The following PSD3 variants were observed in gnomAD, a reference collection of about 807,000 sequenced individuals.
PSD3 encodes pleckstrin and Sec7 domain containing 3.
Under a neutral mutation model 105.5 loss-of-function variants are expected in PSD3, and 49 were observed. The observed-to-expected ratio is 0.46, with a 90% CI of 0.37 to 0.59. The LOEUF (loss-of-function observed/expected upper bound fraction) is 0.59. PSD3 is among the 20% of genes least tolerant of loss of function. The pLI is 0.00. For missense variants in PSD3, 1,561 were observed against 1,263.8 expected (o/e 1.24, Z -3.57); for synonymous variants, 557 against 457.8 (o/e 1.22, Z -2.77).
intron 4 of PSD3, among the ~76,000 whole-genome samples, chr8:18,852,197 C>A (rs563659988): frequency 4.3e-4 from 65 of 152,166 alleles, no homozygotes; most frequent in Non-Finnish European, 8.1e-4. Context: ...TAGGCATTTT[C>A]ACATACTTTA....
At chr8:18,896,458 G>A (rs143016237) in intron 2 of PSD3, among the ~76,000 whole-genome samples, 9 of 152,176 alleles carry the variant, frequency 5.9e-5, no homozygotes, top group African/African-American at 1.7e-4. Context: ...CTGTCGTTCA[G>A]GCTGCAGTGC....
intron 1 of PSD3, among the ~76,000 whole-genome samples, chr8:19,040,115 T>C (rs1317159209): frequency 3.3e-5 from 5 of 152,212 alleles, no homozygotes; most frequent in African/African-American, 1.2e-4. Flanking sequence ...GCATGGGTTG[T>C]GAAACAGGAA....
chr8:18,964,697 G>C (rs1824133697), intron 1 of PSD3, among the ~76,000 whole-genome samples: 1 of 152,076 alleles, frequency 6.6e-6, no homozygotes, highest in African/African-American at 2.4e-5. Context: ...ATTTTCCCCA[G>C]AGAGGCACAA....
intron 1 of PSD3, among the ~76,000 whole-genome samples, chr8:19,047,520 A>G (rs1828364129): frequency 6.6e-6 from 1 of 152,140 alleles, no homozygotes; most frequent in African/African-American, 2.4e-5. Context: ...TGGAGGGGGT[A>G]AATGAATGGA....
intron 9 of PSD3, among the ~76,000 whole-genome samples, chr8:18,717,292 T>A (rs1428743244): frequency 6.6e-6 from 1 of 152,288 alleles, no homozygotes; most frequent in East Asian, 1.9e-4. Flanking sequence ...GCCACTTTCT[T>A]AAGGAGCAGA....
In PSD3 at chr8:18,689,353, G is replaced by T. The variant is rs1366110517; in HGVS notation, c.2173-33668C>A. On this transcript the variant is annotated intron_variant, in intron 9 of 15. Coordinates refer to ENST00000327040, the MANE Select transcript of PSD3 (RefSeq NM_015310.4). Reference sequence around the variant, plus strand: ...CAGATCCCAAGTGAAATCAACAGGAGAGTATCAAACGGCACCCAGGCAGAC... The same window carrying T: ...CAGATCCCAAGTGAAATCAACAGGATAGTATCAAACGGCACCCAGGCAGAC... Among the ~76,000 whole-genome samples, 4 of 152,174 alleles carry T rather than the reference G, an allele frequency of 2.6e-5. 1 individual carries two copies. The highest frequency in any genetic ancestry group is 2.6e-4 in the Admixed American group (4 of 15,280).
chr8:18,715,168 T>C (rs1223327830), intron 9 of PSD3, among the ~76,000 whole-genome samples: 1 of 152,116 alleles, frequency 6.6e-6, no homozygotes, highest in South Asian at 2.1e-4. Flanking sequence ...AAATAGCTAA[T>C]GCAGGCTGGG....
At chr8:19,011,869 A>T (rs1267340156) in intron 1 of PSD3, among the ~76,000 whole-genome samples, 1 of 152,240 alleles carries the variant, frequency 6.6e-6, no homozygotes, top group Non-Finnish European at 1.5e-5. Flanking sequence ...TTCAATGGTC[A>T]GGATAAGAGT....
chr8:18,953,457 T>C (rs921321443), intron 1 of PSD3, among the ~76,000 whole-genome samples: 7 of 152,146 alleles, frequency 4.6e-5, no homozygotes, highest in Admixed American at 3.3e-4. Context: ...AATATACAAA[T>C]GGCTAAATAG....
Position 18,667,543 on chromosome 8 carries a change from G to C in PSD3, c.2173-11858C>G, listed in dbSNP as rs576209699. 3.9e-5 allele frequency among the ~76,000 whole-genome samples: 6 copies of C among 152,328 alleles called. No individual in the cohort carries two copies. In the South Asian group the frequency reaches 1.2e-3, roughly 32 times the overall value. ...TGAGGTAGACACAGGGTGCTGATTGGCGTGTTTACAATCCCTTACCTAGAC... is the reference window on the plus strand; with the variant it reads ...TGAGGTAGACACAGGGTGCTGATTGCCGTGTTTACAATCCCTTACCTAGAC... On this transcript the variant is annotated intron_variant, in intron 9 of 15. Coordinates refer to ENST00000327040, the MANE Select transcript of PSD3 (RefSeq NM_015310.4).
At chr8:18,650,283 G>A (rs542705951) in intron 10 of PSD3, among the ~76,000 whole-genome samples, 6 of 151,850 alleles carry the variant, frequency 4.0e-5, no homozygotes, top group African/African-American at 4.9e-5. Flanking sequence ...CTCATCCTAC[G>A]CCATCCCAAT....
chr8:19,070,965 C>A (rs1294752617), intron 1 of PSD3, among the ~76,000 whole-genome samples: 1 of 152,126 alleles, frequency 6.6e-6, no homozygotes, highest in Non-Finnish European at 1.5e-5. Flanking sequence ...TATTTTTAAA[C>A]CCTCTTCAAA....
chr8:18,915,118 G>A (rs1174873742), intron 2 of PSD3, among the ~76,000 whole-genome samples: 1 of 152,146 alleles, frequency 6.6e-6, no homozygotes, highest in African/African-American at 2.4e-5. Context: ...AATGAACAGT[G>A]CTGGGAAAAC....
At chr8:18,547,300 T>C (rs1283041045) in intron 15 of PSD3, among the ~76,000 whole-genome samples, 3 of 152,196 alleles carry the variant, frequency 2.0e-5, no homozygotes, top group East Asian at 1.9e-4. Context: ...CTTGTGCTCC[T>C]AATCTGAAGC....
intron 4 of PSD3, among the ~76,000 whole-genome samples, chr8:18,849,079 C>T (rs1037848541): frequency 6.6e-5 from 10 of 152,330 alleles, no homozygotes; most frequent in African/African-American, 2.4e-4. Context: ...GGCCATATCG[C>T]TGCCTCCAGT....
intron 9 of PSD3, among the ~76,000 whole-genome samples, chr8:18,701,510 G>A (rs934191996): frequency 2.6e-5 from 4 of 152,062 alleles, no homozygotes; most frequent in East Asian, 3.9e-4. Flanking sequence ...CAATCACATC[G>A]TTTATCAATA....
At chr8:19,068,867 T>G (rs1336760272) in intron 1 of PSD3, among the ~76,000 whole-genome samples, 1 of 152,066 alleles carries the variant, frequency 6.6e-6, no homozygotes, top group Non-Finnish European at 1.5e-5. Context: ...AAAATGGAGT[T>G]GCTCTTTTTT....
rs117518393 is a variant in PSD3 at position 18,719,932 on chromosome 8, C to A, written c.2172+45517G>T. ...ACACGAAGGATTAAAGAATACCAAC[C>A]AGGCCTCTTCTGTTCATAGCGATAT... On this transcript the variant is annotated intron_variant, in intron 9 of 15. Coordinates refer to ENST00000327040, the MANE Select transcript of PSD3 (RefSeq NM_015310.4). Among the ~76,000 whole-genome samples the A allele has an allele frequency of 4.7e-3, 711 of 152,186 alleles. 2 individuals are homozygous for A. The highest frequency in any genetic ancestry group is 7.9e-3 in the Non-Finnish European group (540 of 68,000).
chr8:18,578,192 T>C (rs1481315536), intron 12 of PSD3, among the ~76,000 whole-genome samples: 1 of 152,092 alleles, frequency 6.6e-6, no homozygotes, highest in African/African-American at 2.4e-5. Context: ...GGATTCAGGA[T>C]TTTTTGCTAG....
Sources: allele counts gnomAD v4.1 joint callset (sites outside exome capture counted in the v4.1 genomes callset), GRCh38; gene constraint gnomAD v4.1.1; transcripts MANE v1.5; gene names NCBI Gene and HGNC (gene_info 2026-07-23, HGNC 2026-07-21).